MMP26: variants seen among roughly 807,000 people sequenced by gnomAD.
MMP26 encodes matrix metalloproteinase-26.
Under a neutral mutation model 31.0 loss-of-function variants are expected in MMP26, and 33 were observed. The observed-to-expected ratio is 1.06, with a 90% CI of 0.81 to 1.42. The LOEUF is 1.42. MMP26 is among the 40% of genes most tolerant of loss of function. The pLI is 0.00. For synonymous variants in MMP26, 122 were observed against 114.9 expected (o/e 1.06, Z -0.40); for missense variants, 347 against 316.1 (o/e 1.10, Z -0.74).
chr11:4,842,359 G>C (rs944281945), intron 2 of MMP26, among the ~76,000 whole-genome samples: 2 of 152,118 alleles, frequency 1.3e-5, no homozygotes, highest in African/African-American at 2.4e-5. Flanking sequence ...CCTGAAACTG[G>C]GTAGTTTATA....
chr11:4,773,987 G>A (rs1265495761), intron 2 of MMP26, among the ~76,000 whole-genome samples: 1 of 152,080 alleles, frequency 6.6e-6, no homozygotes, highest in South Asian at 2.1e-4. Context: ...TTTTATAACT[G>A]CATAGTACTC....
Position 4,992,094 on chromosome 11 carries a change from C to T in MMP26, c.726C>T (p.Ala242=), listed in dbSNP as rs143691409. ...YHDPRTFQLS[A]DDIQRIQHLY... is the part of the protein sequence containing the mutation. The stretch of plus-strand genomic sequence containing the variant: ...ACCCTAGAACCTTCCAGCTCAGTGC[C>T]GATGATATCCAAAGGATCCAGCATT... The change falls in exon 7 of 8, where the codon GCC becomes GCT. Residue 242 remains alanine, a synonymous_variant. Coordinates refer to ENST00000380390, the MANE Select transcript of MMP26 (RefSeq NM_021801.5). 8.0e-4 allele frequency: 1,285 copies of T among 1,613,536 alleles called. 1 individual carries two copies. Among genetic ancestry groups the T allele is most frequent in the Non-Finnish European group, 1.0e-3 (1,207 of 1,179,848 alleles).
chr11:4,905,233 A>G (rs1167376410), intron 2 of MMP26, among the ~76,000 whole-genome samples: 1 of 152,070 alleles, frequency 6.6e-6, no homozygotes, highest in Non-Finnish European at 1.5e-5. Context: ...TCTCCACATT[A>G]TACTTACCCT....
intron 2 of MMP26, chr11:4,908,306 T>C: frequency 6.2e-7 from 1 of 1,612,830 alleles, no homozygotes; most frequent in Non-Finnish European, 8.5e-7. Context: ...ATGTGGGAGA[T>C]AAGAACTTGA....
At chr11:4,853,114 G>A (rs1849998160) in intron 2 of MMP26, among the ~76,000 whole-genome samples, 1 of 152,156 alleles carries the variant, frequency 6.6e-6, no homozygotes, top group Non-Finnish European at 1.5e-5. Context: ...ATGTGTAAGT[G>A]TTAGAGGCTT....
At chr11:4,760,709 T>C (rs75488286) in intron 1 of MMP26, among the ~76,000 whole-genome samples, 2,445 of 152,260 alleles carry the variant, frequency 0.016, 60 homozygotes, top group African/African-American at 0.056. Flanking sequence ...CCAGGACTGT[T>C]TGACCCAAAA....
At chr11:4,750,725 C>T (rs1228800859) in intron 1 of MMP26, among the ~76,000 whole-genome samples, 1 of 151,860 alleles carries the variant, frequency 6.6e-6, no homozygotes, top group Non-Finnish European at 1.5e-5. Context: ...ATAATGTGCA[C>T]ATATGGCCGT....
At chr11:4,918,168 A>C (rs1472373383) in intron 2 of MMP26, among the ~76,000 whole-genome samples, 3 of 152,098 alleles carry the variant, frequency 2.0e-5, no homozygotes, top group African/African-American at 7.2e-5. Context: ...TAATATCCCT[A>C]GAATCACGCA....
At chr11:4,746,439 T>C (rs1337684493) in intron 1 of MMP26, among the ~76,000 whole-genome samples, 2 of 152,242 alleles carry the variant, frequency 1.3e-5, no homozygotes, top group African/African-American at 4.8e-5. Context: ...TTAAGTATTC[T>C]TAAGGCAAGA....
chr11:4,730,155 G>C (rs1848154788), intron 1 of MMP26, among the ~76,000 whole-genome samples: 1 of 151,960 alleles, frequency 6.6e-6, no homozygotes, highest in Non-Finnish European at 1.5e-5. Context: ...TCCCTTATTG[G>C]GTTGCTTTAA....
intron 2 of MMP26, chr11:4,945,339 A>T (rs1467729931): frequency 6.6e-6 from 1 of 152,222 alleles, no homozygotes; most frequent in Non-Finnish European, 1.5e-5. Flanking sequence ...AGAGCTCTGT[A>T]AATTCAAAAA....
intron 1 of MMP26, chr11:4,752,080 A>G (rs1252741727): frequency 1.3e-5 from 2 of 152,130 alleles, no homozygotes; most frequent in African/African-American, 2.4e-5. Context: ...AGCTTTCTGA[A>G]TCTGCTTTGT....
At chr11:4,921,864 T>A (rs910150616) in intron 2 of MMP26, among the ~76,000 whole-genome samples, 9 of 152,222 alleles carry the variant, frequency 5.9e-5, no homozygotes, top group African/African-American at 2.2e-4. Flanking sequence ...AAAATTTGTA[T>A]AATTTTAAAG....
chr11:4,883,085 A>G (rs1186455470), intron 2 of MMP26, among the ~76,000 whole-genome samples: 1 of 152,162 alleles, frequency 6.6e-6, no homozygotes, highest in East Asian at 1.9e-4. Flanking sequence ...AATTGAGCAT[A>G]TGTCCCTGAA....
chr11:4,958,014 A>G (rs922499297), intron 2 of MMP26, among the ~76,000 whole-genome samples: 1 of 152,180 alleles, frequency 6.6e-6, no homozygotes, highest in Non-Finnish European at 1.5e-5. Context: ...TCTTCCCAGC[A>G]GAAAATTACT....
In MMP26 at chr11:4,984,183, G is replaced by A. The variant is rs1846853942; in HGVS notation, c.-144-3885G>A. Among the ~76,000 whole-genome samples, 4 of 152,254 alleles carry A rather than the reference G, an allele frequency of 2.6e-5. No homozygotes were observed. The South Asian group carries it at 8.3e-4, about 32-fold the overall frequency. ...GAAAGACGGGGCAGTCTCATCAAAAGTGGCAATCCAGGCCAGTGATCAAAG... is the reference window on the plus strand; with the variant it reads ...GAAAGACGGGGCAGTCTCATCAAAAATGGCAATCCAGGCCAGTGATCAAAG... On this transcript the variant is annotated intron_variant, in intron 2 of 7. Transcript: ENST00000380390.
chr11:4,833,041 T>G (rs1055465351), intron 2 of MMP26: 2 of 152,188 alleles, frequency 1.3e-5, no homozygotes, highest in Admixed American at 6.6e-5. Context: ...AGAGTAAAGG[T>G]CCTGGAAAAA....
intron 2 of MMP26, among the ~76,000 whole-genome samples, chr11:4,871,257 C>T (rs1850306344): frequency 1.3e-5 from 2 of 152,018 alleles, no homozygotes; most frequent in African/African-American, 2.4e-5. Flanking sequence ...ATTGAGGAGA[C>T]AATGGGAAGT....
At chr11:4,924,330 G>A in intron 2 of MMP26, 1 of 1,604,868 alleles carries the variant, frequency 6.2e-7, no homozygotes, top group Admixed American at 1.7e-5. Flanking sequence ...CTATTAAGAA[G>A]AATTGTCATA....
Sources: allele counts gnomAD v4.1 joint callset (sites outside exome capture counted in the v4.1 genomes callset), GRCh38; gene constraint gnomAD v4.1.1; transcripts MANE v1.5; gene names NCBI Gene and HGNC (gene_info 2026-07-23, HGNC 2026-07-21).